The following GRIK4 variants were observed in gnomAD, a reference collection of about 807,000 sequenced individuals.
GRIK4 encodes the protein glutamate ionotropic receptor kainate type subunit 4.
In GRIK4, 40 loss-of-function variants were observed where a neutral mutation model predicts 104.9. That is an observed-to-expected ratio of 0.38 (90% CI 0.30 to 0.50). The LOEUF is 0.50. Ranked by LOEUF, GRIK4 falls within the 20% of genes least tolerant of loss-of-function variation. The probability of loss-of-function intolerance (pLI) is 0.93; values close to 1 mark genes in which losing one functional copy is unlikely to be tolerated. For synonymous variants in GRIK4, 485 were observed against 524.9 expected (o/e 0.92, Z 1.04); for missense variants, 1,047 against 1,308.1 (o/e 0.80, Z 3.08).
At chr11:120,821,537 A>G (rs997694015) in intron 6 of GRIK4, among the ~76,000 whole-genome samples, 1 of 152,194 alleles carries the variant, frequency 6.6e-6, no homozygotes, top group Non-Finnish European at 1.5e-5. Context: ...GTCACTCTCT[A>G]AGGAATGTCT....
chr11:120,517,840 A>G (rs969246844), intron 1 of GRIK4, among the ~76,000 whole-genome samples: 1 of 152,178 alleles, frequency 6.6e-6, no homozygotes, highest in African/African-American at 2.4e-5. Context: ...GGGAGTAGAC[A>G]CAGGTTTAGA....
intron 4 of GRIK4, among the ~76,000 whole-genome samples, chr11:120,803,219 C>T (rs1952653575): frequency 1.3e-5 from 2 of 152,172 alleles, no homozygotes; most frequent in South Asian, 2.1e-4. Flanking sequence ...TTAGCCACTA[C>T]ACATCTGACT....
chr11:120,655,230 C>T (rs1444656008), intron 2 of GRIK4, among the ~76,000 whole-genome samples: 1 of 151,458 alleles, frequency 6.6e-6, no homozygotes, highest in African/African-American at 2.4e-5. Context: ...ACAGAAGCCT[C>T]GAGGGGAGCT....
rs975891726 is a variant in GRIK4, at chr11:120,564,991, G to C, written c.-159+53104G>C. 2.0e-5 allele frequency among the ~76,000 whole-genome samples: 3 copies of C among 152,192 alleles called. No individual in the cohort carries two copies. In the East Asian group the frequency reaches 5.8e-4, roughly 29 times the overall value. ...CCGCCGGCTGCGGGGGGGTGGGGGG[G>C]GTGGGGTGTCCTGTGTAGCCGCCCA... On this transcript the variant is annotated intron_variant, in intron 1 of 20. Transcript: ENST00000527524.
intron 16 of GRIK4, among the ~76,000 whole-genome samples, chr11:120,958,060 C>T (rs754669351): frequency 4.6e-5 from 7 of 152,244 alleles, no homozygotes; most frequent in African/African-American, 1.2e-4. Context: ...AGGAGAGTCA[C>T]GGAAGTCCCA....
In GRIK4 at chr11:120,932,888, A is replaced by T. The variant is rs188371454; in HGVS notation, c.1477-7459A>T. On this transcript the variant is annotated intron_variant, in intron 13 of 20. Transcript: ENST00000527524. ...AAGCTGGGGTGAGGAGGTGTACTGTAAAAAGGTCAGAGAAGAAAGATCTGG... is the reference window on the plus strand; with the variant it reads ...AAGCTGGGGTGAGGAGGTGTACTGTTAAAAGGTCAGAGAAGAAAGATCTGG... Among the ~76,000 whole-genome samples the T allele has an allele frequency of 1.1e-4, 16 of 152,276 alleles. No homozygotes were observed. In the East Asian group the frequency reaches 3.1e-3, roughly 29 times the overall value.
chr11:120,588,192 C>T (rs887454619), intron 1 of GRIK4, among the ~76,000 whole-genome samples: 39 of 152,262 alleles, frequency 2.6e-4, no homozygotes, highest in African/African-American at 8.7e-4. Context: ...TGGGGCCACC[C>T]GGAATCCAGG....
rs1402363731 is a variant in GRIK4, at chr11:120,794,092, C to T, written c.83-8601C>T. ...CAAGGCAGTGGTTAGAGGTGAGGGG[C>T]GGGTGTTAGGGCTGAGAGCCGGGTG... On this transcript the variant is annotated intron_variant, in intron 3 of 20. Coordinates refer to ENST00000527524, the MANE Select transcript of GRIK4 (RefSeq NM_014619.5). Among the ~76,000 whole-genome samples the T allele has an allele frequency of 1.4e-4, 10 of 71,804 alleles. No homozygotes were observed. The East Asian group carries it at 3.4e-3, about 25-fold the overall frequency. The allele number at this position is 71,804 out of a possible 152,430, so 47.1% of individuals were successfully genotyped here.
chr11:120,688,498 G>T (rs1169981140), intron 3 of GRIK4, among the ~76,000 whole-genome samples: 1 of 152,206 alleles, frequency 6.6e-6, no homozygotes, highest in Admixed American at 6.5e-5. Flanking sequence ...ATGGATGGGA[G>T]TGTAACTGTG....
At chr11:120,919,339 G>T (rs78148740) in intron 13 of GRIK4, among the ~76,000 whole-genome samples, 4,402 of 152,270 alleles carry the variant, frequency 0.029, 230 homozygotes, top group African/African-American at 0.099. Context: ...GGAAGGAGCT[G>T]GGACTCCATT....
At chr11:120,603,060 G>A (rs1020915001) in intron 1 of GRIK4, among the ~76,000 whole-genome samples, 1 of 152,232 alleles carries the variant, frequency 6.6e-6, no homozygotes, top group Non-Finnish European at 1.5e-5. Context: ...AGGTAGGAGA[G>A]AAGGAGGAAG....
intron 1 of GRIK4, among the ~76,000 whole-genome samples, chr11:120,596,004 G>T (rs975807776): frequency 2.0e-4 from 30 of 152,094 alleles, no homozygotes; most frequent in African/African-American, 7.2e-4. Context: ...GCGCCACCAC[G>T]GTCAGCTAAT....
chr11:120,547,504 C>T (rs1222607346), intron 1 of GRIK4, among the ~76,000 whole-genome samples: 1 of 152,040 alleles, frequency 6.6e-6, no homozygotes, highest in African/African-American at 2.4e-5. Flanking sequence ...TTCAAGGCAG[C>T]AGTCAGATAA....
At chr11:120,825,276 C>T (rs1466145004) in intron 6 of GRIK4, among the ~76,000 whole-genome samples, 2 of 152,136 alleles carry the variant, frequency 1.3e-5, no homozygotes, top group African/African-American at 2.4e-5. Flanking sequence ...CCTGTGTCCC[C>T]ACATCTTCTG....
intron 1 of GRIK4, among the ~76,000 whole-genome samples, chr11:120,568,761 A>G (rs182451424): frequency 9.1e-4 from 138 of 152,298 alleles, no homozygotes; most frequent in South Asian, 1.0e-3. Flanking sequence ...CTTCTTGCCA[A>G]AGATGGAGTT....
chr11:120,651,554 T>C (rs1262168223), intron 1 of GRIK4, among the ~76,000 whole-genome samples: 1 of 152,210 alleles, frequency 6.6e-6, no homozygotes, highest in African/African-American at 2.4e-5. Context: ...GTTCCTACCA[T>C]GTACCCACAG....
chr11:120,569,160 G>C (rs907927779), intron 1 of GRIK4, among the ~76,000 whole-genome samples: 5 of 152,188 alleles, frequency 3.3e-5, no homozygotes, highest in African/African-American at 1.2e-4. Flanking sequence ...TGCAGCTCCA[G>C]GCGGGGCAAC....
At chr11:120,702,779 C>T (rs763313137) in intron 3 of GRIK4, among the ~76,000 whole-genome samples, 14 of 152,160 alleles carry the variant, frequency 9.2e-5, no homozygotes, top group Non-Finnish European at 1.8e-4. Context: ...TAATGCTCCA[C>T]ATTAAAACAA....
At chr11:120,857,016 C>T (rs1030231411) in intron 8 of GRIK4, among the ~76,000 whole-genome samples, 1 of 152,144 alleles carries the variant, frequency 6.6e-6, no homozygotes, top group Admixed American at 6.5e-5. Flanking sequence ...TCCCAGACAC[C>T]AGACACTAAA....
Sources: allele counts gnomAD v4.1 joint callset (sites outside exome capture counted in the v4.1 genomes callset), GRCh38; gene constraint gnomAD v4.1.1; transcripts MANE v1.5; gene names NCBI Gene and HGNC (gene_info 2026-07-23, HGNC 2026-07-21).